Variants in SASH1 observed in about 807,000 individuals in gnomAD.
The protein encoded by SASH1 is SAM and SH3 domain containing 1.
SASH1 carries 44 observed loss-of-function variants against 125.2 expected under a neutral mutation model. The ratio of observed to expected loss-of-function variants is 0.35; its 90% CI spans 0.28 to 0.45. SASH1 has a LOEUF of 0.45. Among genes scored for constraint, SASH1 ranks in the 20% least tolerant of loss-of-function variants. The probability of loss-of-function intolerance (pLI) is 1.00; values close to 1 mark genes in which losing one functional copy is unlikely to be tolerated. For missense variants in SASH1, 1,426 were observed against 1,614.5 expected (o/e 0.88, Z 2.00); for synonymous variants, 639 against 649.1 (o/e 0.98, Z 0.24).
chr6:148,311,279 T>C (rs9485277), intron 1 of SASH1, among the ~76,000 whole-genome samples: 1 of 151,844 alleles, frequency 6.6e-6, no homozygotes, highest in South Asian at 2.1e-4. Context: ...GCTAATTTTT[T>C]TATTTTTAGT....
intron 2 of SASH1, among the ~76,000 whole-genome samples, chr6:148,432,242 T>C (rs1222129440): frequency 2.0e-5 from 3 of 152,226 alleles, no homozygotes; most frequent in Non-Finnish European, 4.4e-5. Context: ...CCCAAAGTGC[T>C]GGGATTATAG....
chr6:148,233,740 T>TAAAAAAAAAAAAAAAAAAAAAAAAAAA, the SASH1 span, among the ~76,000 whole-genome samples: 1 of 11,698 alleles, frequency 8.5e-5, no homozygotes, highest in Admixed American at 9.6e-4. Flanking sequence ...GCTTCCTCTC[T>TAAAAAAAAAAAAAAAAAAAAAAAAAAA]ACAAAAAAAA....
intron 11 of SASH1, among the ~76,000 whole-genome samples, chr6:148,526,755 C>T (rs958791307): frequency 5.3e-5 from 8 of 152,242 alleles, no homozygotes; most frequent in South Asian, 2.1e-4. Flanking sequence ...GCTCTTCTAA[C>T]GACTGAGCTT....
chr6:148,278,406 G>A (rs1363468331), intron 1 of SASH1, among the ~76,000 whole-genome samples: 2 of 152,116 alleles, frequency 1.3e-5, no homozygotes, highest in South Asian at 2.1e-4. Flanking sequence ...GCCTGGCTGG[G>A]GAACATCTTA....
At chr6:148,215,998 C>T in the SASH1 span, among the ~76,000 whole-genome samples, 2 of 152,114 alleles carry the variant, frequency 1.3e-5, no homozygotes, top group African/African-American at 4.8e-5. Context: ...GCTGGGATTA[C>T]AGGCGCCCGC....
At chr6:148,508,509 G>C (rs1210236974) in intron 8 of SASH1, 2 of 1,012,234 alleles carry the variant, frequency 2.0e-6, no homozygotes, top group Non-Finnish European at 2.4e-6. Context: ...AGTGAAAACA[G>C]GGATTGTTGG....
chr6:148,317,788 G>C (rs1265718262), intron 1 of SASH1, among the ~76,000 whole-genome samples: 1 of 152,142 alleles, frequency 6.6e-6, no homozygotes, highest in Non-Finnish European at 1.5e-5. Context: ...GATCCATTCA[G>C]GTTCCATTCA....
Position 148,422,997 on chromosome 6 carries a change from G to A in SASH1, c.286-17187G>A, listed in dbSNP as rs892171580. Among the ~76,000 whole-genome samples the A allele has an allele frequency of 5.9e-5, 9 of 152,202 alleles. No homozygotes were observed. In the East Asian group the frequency reaches 1.5e-3, roughly 26 times the overall value. On this transcript the variant is annotated intron_variant, in intron 2 of 19. Transcript: ENST00000367467. ...CTCTGTCGCCAGGCTGGAGTGCAGT[G>A]GCGTGATCTCGGCTTACTGCAACCT...
At chr6:148,413,698 G>A (rs1208124109) in intron 2 of SASH1, among the ~76,000 whole-genome samples, 1 of 152,070 alleles carries the variant, frequency 6.6e-6, no homozygotes, top group Non-Finnish European at 1.5e-5. Flanking sequence ...TAGTCAAGAA[G>A]TTTGCACTTT....
rs544066601 is a variant in SASH1 at position 148,546,012 on chromosome 6, C to G, written c.3349-3C>G. 1 of 1,612,794 alleles carries G rather than the reference C, an allele frequency of 6.2e-7. No homozygotes were observed. Among genetic ancestry groups the G allele is most frequent in the African/African-American group, 1.3e-5 (1 of 74,972 alleles). On this transcript the variant is annotated splice_polypyrimidine_tract_variant and splice_region_variant and intron_variant, in intron 18 of 19. Coordinates refer to ENST00000367467, the MANE Select transcript of SASH1 (RefSeq NM_015278.5). ...GATGTCATATTCCTGTTCTCCCTGG[C>G]AGCATGGCCGCTGTGGGATTCCTGA... is the stretch of plus-strand genomic sequence containing the variant.
chr6:148,548,046 G>C (rs1782663221), intron 19 of SASH1, among the ~76,000 whole-genome samples: 1 of 152,130 alleles, frequency 6.6e-6, no homozygotes, highest in Non-Finnish European at 1.5e-5. Flanking sequence ...TGAAGACTCG[G>C]ACACATAAAT....
At chr6:148,308,794 T>C (rs768029830) in intron 1 of SASH1, among the ~76,000 whole-genome samples, 3 of 151,406 alleles carry the variant, frequency 2.0e-5, no homozygotes, top group Non-Finnish European at 4.4e-5. Flanking sequence ...CATAAGATTC[T>C]CTTTCTCTGC....
rs1047656830 is a variant in SASH1 at position 148,285,564 on chromosome 6, GT to G, written n.74+13196del. 7.9e-5 allele frequency among the ~76,000 whole-genome samples: 12 copies of G among 151,238 alleles called. No individual in the cohort carries two copies. In the East Asian group the frequency reaches 9.7e-4, roughly 12 times the overall value. ...CCCAAAGCAGTGACAGGCTGTTTTG[GT>G]TTTTTTTTCCTCTCTCTCTTTTCCA... On this transcript the variant is annotated intron_variant and non_coding_transcript_variant, in intron 1 of 3. Transcript: ENST00000367469.
chr6:148,317,677 G>A (rs1312882402), intron 1 of SASH1, among the ~76,000 whole-genome samples: 35 of 152,004 alleles, frequency 2.3e-4, no homozygotes, highest in Admixed American at 2.2e-3. Flanking sequence ...CGCCTGCCTC[G>A]GCCTCCCAAA....
intron 1 of SASH1, among the ~76,000 whole-genome samples, chr6:148,310,543 C>T (rs1780299907): frequency 6.6e-6 from 1 of 151,638 alleles, no homozygotes. Flanking sequence ...ATAAATTGAA[C>T]TTAGTCAAAA....
chr6:148,368,768 G>GTGCGCACGCA (rs71797719), intron 1 of SASH1, among the ~76,000 whole-genome samples: 3 of 70,450 alleles, frequency 4.3e-5, no homozygotes, highest in South Asian at 3.9e-4. Flanking sequence ...GCGCACGCGC[G>GTGCGCACGCA]CGCACACACA....
chr6:148,473,963 C>T lies in SASH1; in HGVS notation c.515-147C>T, dbSNP rs940227647. On this transcript the variant is annotated intron_variant, in intron 6 of 19. Coordinates refer to ENST00000367467, the MANE Select transcript of SASH1 (RefSeq NM_015278.5). ...CTTCTTAAAAAGCAGCATATTTTTG[C>T]CACCCTTTGCTTCATCAGTAACGTT... 1.8e-5 allele frequency: 10 copies of T among 554,980 alleles called. No individual in the cohort carries two copies. In the African/African-American group the frequency reaches 1.9e-4, roughly 11 times the overall value. 34.4% of individuals were successfully genotyped at this position (554,980 alleles called of 1,614,324 possible). A position where few individuals can be genotyped will look rare whatever the true frequency, so the allele number is the denominator to read the frequency against.
intron 2 of SASH1, among the ~76,000 whole-genome samples, chr6:148,423,839 G>C (rs962802617): frequency 6.6e-6 from 1 of 152,048 alleles, no homozygotes; most frequent in African/African-American, 2.4e-5. Context: ...AAGGTCGTCT[G>C]TTTCAAATGT....
rs35034809 is a variant in SASH1, at chr6:148,406,340, TA to T, written c.285+16088del. ...AAATCTATTTCTGAGCTGCAAGAGA[TA>T]AAAAAAAAAGAAGTCGTAGATAAAA... On this transcript the variant is annotated intron_variant, in intron 2 of 19. Transcript: ENST00000367467. 9.8e-4 allele frequency among the ~76,000 whole-genome samples: 146 copies of T among 148,426 alleles called. No homozygotes were observed. In the East Asian group the frequency reaches 0.018, roughly 18 times the overall value.
Sources: gnomAD v4.1 joint callset for allele counts (sites outside exome capture counted in the v4.1 genomes callset) on GRCh38, gnomAD v4.1.1 for gene constraint, MANE v1.5 for transcripts, NCBI Gene and HGNC (gene_info 2026-07-23, HGNC 2026-07-21) for gene names.